BCL11B: variants seen among roughly 807,000 people sequenced by gnomAD.
BCL11B encodes the protein BCL11 transcription factor B.
A neutral mutation model predicts 49.9 loss-of-function variants in BCL11B; 8 were observed. That is an observed-to-expected ratio of 0.16 (90% CI 0.09 to 0.29). The LOEUF (loss-of-function observed/expected upper bound fraction) is 0.29. BCL11B is among the 10% of genes least tolerant of loss of function. The probability of loss-of-function intolerance (pLI) is 1.00; values close to 1 mark genes in which losing one functional copy is unlikely to be tolerated. For missense variants in BCL11B, 1,006 were observed against 1,351.0 expected (o/e 0.74, Z 4.00); for synonymous variants, 739 against 637.4 (o/e 1.16, Z -2.40).
At chr14:99,246,507 G>C (rs1425015797) in intron 2 of BCL11B, among the ~76,000 whole-genome samples, 2 of 152,220 alleles carry the variant, frequency 1.3e-5, no homozygotes, top group African/African-American at 4.8e-5. Flanking sequence ...ACCCGGCCAG[G>C]GCCAGCCGGG....
chr14:99,250,241 T>C (rs111238111), intron 2 of BCL11B, among the ~76,000 whole-genome samples: 26,285 of 151,630 alleles, frequency 0.17, 2,869 homozygotes, highest in Middle Eastern at 0.24. Flanking sequence ...TTCACCGTGT[T>C]AGCCAGGATG....
chr14:99,231,648 T>C lies in BCL11B; in HGVS notation c.428-91A>G. On this transcript the variant is annotated intron_variant, in intron 2 of 3. Coordinates refer to ENST00000357195, the MANE Select transcript of BCL11B (RefSeq NM_138576.4). The surrounding 1 kb of genome is among the most constrained non-coding windows in gnomAD (Gnocchi z 8.1). ...GGACGGGGCTCGGGGCGTGGGGCTC[T>C]GCTCAGGCCACCCTTCGGGGGTGGG... 5 of 1,338,246 alleles carry C rather than the reference T, an allele frequency of 3.7e-6. No individual in the cohort carries two copies. In the South Asian group the frequency reaches 6.4e-5, roughly 17 times the overall value. The allele number at this position is 1,338,246 out of a possible 1,614,324, so 82.9% of individuals were successfully genotyped here. A position where few individuals can be genotyped will look rare whatever the true frequency, so the allele number is the denominator to read the frequency against.
chr14:99,231,271 C>G lies in BCL11B; in HGVS notation c.640+74G>C, dbSNP rs1205747563. ...GCTGCCCTTCCTCCCTGGGTCCCCACCTTGCTCCAGCGCTGCCCATGGCAC... is the reference window on the plus strand; with the variant it reads ...GCTGCCCTTCCTCCCTGGGTCCCCAGCTTGCTCCAGCGCTGCCCATGGCAC... On this transcript the variant is annotated intron_variant, in intron 3 of 3. Coordinates refer to ENST00000357195, the MANE Select transcript of BCL11B (RefSeq NM_138576.4). The surrounding 1 kb of genome is among the most constrained non-coding windows in gnomAD (Gnocchi z 8.1). 19 of 1,503,652 alleles carry G rather than the reference C, an allele frequency of 1.3e-5. No individual in the cohort carries two copies. Among genetic ancestry groups the G allele is most frequent in the Non-Finnish European group, 1.6e-5 (18 of 1,111,262 alleles). The allele number at this position is 1,503,652 out of a possible 1,614,324, so 93.1% of individuals were successfully genotyped here. A position where few individuals can be genotyped will look rare whatever the true frequency, so the allele number is the denominator to read the frequency against.
chr14:99,260,959 G>A (rs1889319064), intron 1 of BCL11B, among the ~76,000 whole-genome samples: 1 of 152,026 alleles, frequency 6.6e-6, no homozygotes, highest in African/African-American at 2.4e-5. Flanking sequence ...AGGGAGTCTG[G>A]GAGGAAAAGA....
At chr14:99,207,382 T>C (rs930033902) in intron 3 of BCL11B, among the ~76,000 whole-genome samples, 8 of 152,122 alleles carry the variant, frequency 5.3e-5, no homozygotes, top group African/African-American at 1.7e-4. Context: ...CCTCATCCCT[T>C]CCTTTCCAAT....
At chr14:99,253,474 A>T (rs1283422135) in intron 2 of BCL11B, among the ~76,000 whole-genome samples, 1 of 152,110 alleles carries the variant, frequency 6.6e-6, no homozygotes, top group African/African-American at 2.4e-5. Context: ...GCGCCAGGAA[A>T]AGCTCCTATT....
intron 3 of BCL11B, among the ~76,000 whole-genome samples, chr14:99,226,406 G>A (rs571867907): frequency 2.2e-4 from 33 of 151,954 alleles, no homozygotes; most frequent in African/African-American, 4.8e-4. Context: ...CTCAGTGGCC[G>A]ATCTAACACC....
In BCL11B at chr14:99,175,108, G is replaced by A. The variant is rs1213062898; in HGVS notation, c.1728C>T (p.Val576=). ...TGGCCGCGCCGCCCCCCGCGCCCGG[G>A]ACCCCGGGCACCCCACCACCGCCGT... is the stretch of plus-strand genomic sequence containing the variant. ...RENGGGGVPG[V]PGAGGGAAKA... Residue 576 remains valine (V), a synonymous_variant, in exon 4 of 4, where the codon GTC becomes GTT. Transcript: ENST00000357195. The A allele has an allele frequency of 3.8e-6, 6 of 1,595,162 alleles. No individual in the cohort carries two copies. Among genetic ancestry groups the A allele is most frequent in the Middle Eastern group, 1.7e-4 (1 of 6,048 alleles).
chr14:99,226,437 C>A (rs1283461953), intron 3 of BCL11B, among the ~76,000 whole-genome samples: 5 of 152,148 alleles, frequency 3.3e-5, no homozygotes, highest in African/African-American at 9.7e-5. Context: ...GTCTCTGGCA[C>A]CCCCTGCACC....
intron 2 of BCL11B, among the ~76,000 whole-genome samples, chr14:99,252,101 T>C (rs1341128010): frequency 6.6e-6 from 1 of 152,166 alleles, no homozygotes; most frequent in African/African-American, 2.4e-5. Flanking sequence ...AACTCTGCCC[T>C]GTTCAGCCAT....
chr14:99,231,250 C>T lies in BCL11B; in HGVS notation c.640+95G>A. The T allele has an allele frequency of 1.8e-5, 25 of 1,353,548 alleles. No individual in the cohort carries two copies. Among genetic ancestry groups the T allele is most frequent in the Non-Finnish European group, 2.5e-5 (25 of 990,264 alleles). The allele number at this position is 1,353,548 out of a possible 1,614,324, so 83.8% of individuals were successfully genotyped here. A position where few individuals can be genotyped will look rare whatever the true frequency, so the allele number is the denominator to read the frequency against. ...CAAAAAGCCTTCTGGGTGGGAGCTG[C>T]CCTTCCTCCCTGGGTCCCCACCTTG... On this transcript the variant is annotated intron_variant, in intron 3 of 3. Coordinates refer to ENST00000357195, the MANE Select transcript of BCL11B (RefSeq NM_138576.4). This position sits in a 1 kb window ranked among gnomAD's most constrained non-coding sequence, Gnocchi z 8.1.
chr14:99,238,525 G>C (rs914057827), intron 2 of BCL11B, among the ~76,000 whole-genome samples: 1 of 152,212 alleles, frequency 6.6e-6, no homozygotes, highest in Non-Finnish European at 1.5e-5. Flanking sequence ...TGAGGGAGCA[G>C]AGGACACTTC....
chr14:99,228,020 CCT>C lies in BCL11B; in HGVS notation c.640+3323_640+3324del, dbSNP rs1888208157. 6.6e-6 allele frequency among the ~76,000 whole-genome samples: 1 copy of C among 152,124 alleles called. No homozygotes were observed. The highest frequency in any genetic ancestry group is 1.5e-5 in the Non-Finnish European group (1 of 68,030). On this transcript the variant is annotated intron_variant, in intron 3 of 3. Transcript: ENST00000357195. The surrounding 1 kb of genome is among the most constrained non-coding windows in gnomAD (Gnocchi z 4.8). ...CCCAGGGTGTGCACAAACACACATACCTGTGTGGTTTTCTCCCCCCGTAAAAT... is the reference window on the plus strand; with the variant it reads ...CCCAGGGTGTGCACAAACACACATACGTGTGGTTTTCTCCCCCCGTAAAAT...
Position 99,194,477 on chromosome 14 carries a change from A to G in BCL11B, c.641-18282T>C, listed in dbSNP as rs747388539. ...CTGTGGGGCACCCAGAACCCCATCCAGTGTTGCCCATGCACCTTGAACAAA... is the reference window on the plus strand; with the variant it reads ...CTGTGGGGCACCCAGAACCCCATCCGGTGTTGCCCATGCACCTTGAACAAA... On this transcript the variant is annotated intron_variant, in intron 3 of 3. Transcript: ENST00000357195. The surrounding 1 kb of genome is among the most constrained non-coding windows in gnomAD (Gnocchi z 4.6). 1.9e-4 allele frequency among the ~76,000 whole-genome samples: 29 copies of G among 152,202 alleles called. No homozygotes were observed. The highest frequency in any genetic ancestry group is 2.5e-4 in the Non-Finnish European group (17 of 68,030).
At chr14:99,193,999 A>G (rs1887110446) in intron 3 of BCL11B, among the ~76,000 whole-genome samples, 1 of 152,190 alleles carries the variant, frequency 6.6e-6, no homozygotes, top group Non-Finnish European at 1.5e-5. Flanking sequence ...ATGCTTGTCA[A>G]TATGAATGGG....
rs771874300 is a variant in BCL11B, at chr14:99,184,408, C to G, written c.641-8213G>C. Among the ~76,000 whole-genome samples, 1 of 152,232 alleles carries G rather than the reference C, an allele frequency of 6.6e-6. No individual in the cohort carries two copies. The highest frequency in any genetic ancestry group is 1.5e-5 in the Non-Finnish European group (1 of 68,044). ...TTGGTGTGTTCAGCATGGCTACAGC[C>G]TGCACGTGCCAATGTTGGCCTTTTG... On this transcript the variant is annotated intron_variant, in intron 3 of 3. Transcript: ENST00000357195. This position sits in a 1 kb window ranked among gnomAD's most constrained non-coding sequence, Gnocchi z 6.1.
In BCL11B at chr14:99,175,319, G is replaced by T; in HGVS notation, c.1517C>A (p.Ala506Glu). 1 of 1,544,706 alleles carries T rather than the reference G, an allele frequency of 6.5e-7. No homozygotes were observed. The highest frequency in any genetic ancestry group is 8.7e-7 in the Non-Finnish European group (1 of 1,150,504). The stretch of plus-strand genomic sequence containing the variant: ...GTCGGCCGCCTTGAGGCCCTCGCCC[G>T]CCAGCTCGCTGGTGCCGGGCTCGGG... ...SSPEPGTSEL[A>E]GEGLKAADGD... Residue 506 changes from alanine (A) to glutamate (E), a missense_variant, in exon 4 of 4, where the codon GCG (alanine) becomes GAG (glutamate). Ala to Glu is a moderately radical substitution (Grantham distance 107). Transcript: ENST00000357195.
Position 99,176,728 on chromosome 14 carries a change from T to C in BCL11B, c.641-533A>G, listed in dbSNP as rs1886546673. On this transcript the variant is annotated intron_variant, in intron 3 of 3. Coordinates refer to ENST00000357195, the MANE Select transcript of BCL11B (RefSeq NM_138576.4). ...AGGATGTTTAGCAACATCCTCTGCC[T>C]GCACCCACTAGATAGATGCCAGGAG... Among the ~76,000 whole-genome samples the C allele has an allele frequency of 4.6e-5, 7 of 152,254 alleles. No homozygotes were observed. In the South Asian group the frequency reaches 1.5e-3, roughly 32 times the overall value.
chr14:99,186,716 T>TAGGAA (rs1417436316), intron 3 of BCL11B, among the ~76,000 whole-genome samples: 1 of 152,206 alleles, frequency 6.6e-6, no homozygotes, highest in Non-Finnish European at 1.5e-5. Flanking sequence ...AATCCCATCA[T>TAGGAA]AGTGAAAACT....
Sources: gnomAD v4.1 joint callset for allele counts (sites outside exome capture counted in the v4.1 genomes callset) on GRCh38, gnomAD v4.1.1 for gene constraint, Gnocchi (gnomAD v3.1) non-coding constraint, MANE v1.5 for transcripts, NCBI Gene and HGNC (gene_info 2026-07-23, HGNC 2026-07-21) for gene names.